The following AFG2A variants were observed in gnomAD, a reference collection of about 807,000 sequenced individuals.
The protein encoded by AFG2A is ATPase family gene 2 protein homolog A.
the AFG2A span, among the ~76,000 whole-genome samples, chr4:123,044,781 T>TG: frequency 6.6e-6 from 1 of 152,082 alleles, no homozygotes; most frequent in African/African-American, 2.4e-5. Context: ...TTTTTTTTTT[T>TG]GTCAATCTTT....
the AFG2A span, among the ~76,000 whole-genome samples, chr4:122,940,446 G>C: frequency 2.0e-5 from 3 of 152,176 alleles, no homozygotes; most frequent in Non-Finnish European, 2.9e-5. Context: ...AGAAGTGTCT[G>C]TTCATATCCT....
chr4:123,304,386 C>G, the AFG2A span, among the ~76,000 whole-genome samples: 2 of 152,156 alleles, frequency 1.3e-5, no homozygotes, highest in Non-Finnish European at 2.9e-5. Context: ...TCGCAAACAG[C>G]AGGACATCAC....
At chr4:123,139,134 A>C in the AFG2A span, among the ~76,000 whole-genome samples, 1 of 152,138 alleles carries the variant, frequency 6.6e-6, no homozygotes, top group African/African-American at 2.4e-5. Flanking sequence ...AAATATTAAG[A>C]CAAAAGCTTG....
At chr4:123,074,095 A>ATTTT in the AFG2A span, among the ~76,000 whole-genome samples, 4 of 102,052 alleles carry the variant, frequency 3.9e-5, no homozygotes, top group African/African-American at 1.4e-4. Flanking sequence ...CTCAGATAGT[A>ATTTT]TTTTTTTTTT....
At chr4:122,938,158 A>G in the AFG2A span, 1 of 1,609,744 alleles carries the variant, frequency 6.2e-7, no homozygotes, top group Non-Finnish European at 8.5e-7. Context: ...GATGAGCTGG[A>G]TGCACTTTGT....
the AFG2A span, among the ~76,000 whole-genome samples, chr4:122,992,313 C>A: frequency 6.6e-6 from 1 of 152,160 alleles, no homozygotes; most frequent in East Asian, 1.9e-4. Context: ...TGGCCTAAGG[C>A]CATGGTGTGC....
the AFG2A span, among the ~76,000 whole-genome samples, chr4:123,226,414 A>T: frequency 6.6e-6 from 1 of 152,158 alleles, no homozygotes; most frequent in Non-Finnish European, 1.5e-5. Context: ...GAGAGTTTTT[A>T]GCATGAAGGG....
the AFG2A span, chr4:123,056,383 G>T: frequency 1.3e-4 from 217 of 1,610,126 alleles, no homozygotes; most frequent in Non-Finnish European, 1.7e-4. Context: ...TTCTTTTCAT[G>T]CAGGGGCCTG....
At chr4:123,210,387 C>G in the AFG2A span, among the ~76,000 whole-genome samples, 3 of 152,310 alleles carry the variant, frequency 2.0e-5, no homozygotes, top group African/African-American at 7.2e-5. Flanking sequence ...CCACCATTTA[C>G]TCTCTCTGAG....
chr4:123,074,670 C>G, the AFG2A span, among the ~76,000 whole-genome samples: 2 of 151,966 alleles, frequency 1.3e-5, no homozygotes, highest in African/African-American at 4.8e-5. Context: ...TGCTGTAGTT[C>G]ATGTGGATTT....
the AFG2A span, among the ~76,000 whole-genome samples, chr4:123,027,306 C>T: frequency 6.6e-6 from 1 of 152,104 alleles, no homozygotes; most frequent in Non-Finnish European, 1.5e-5. Context: ...GCTATGACTT[C>T]AACTTTTCTT....
At chr4:123,044,772 T>G in the AFG2A span, among the ~76,000 whole-genome samples, 122,917 of 151,470 alleles carry the variant, frequency 0.81, 51,614 homozygotes, top group East Asian at 0.97. Context: ...AGGATGTCAT[T>G]TTTTTTTTTG....
At chr4:123,120,931 A>G in the AFG2A span, among the ~76,000 whole-genome samples, 3 of 152,154 alleles carry the variant, frequency 2.0e-5, no homozygotes, top group African/African-American at 7.2e-5. Flanking sequence ...GGCAGGTCCT[A>G]CAGGGGATAT....
the AFG2A span, among the ~76,000 whole-genome samples, chr4:122,999,397 G>C: frequency 6.6e-6 from 1 of 151,838 alleles, no homozygotes; most frequent in East Asian, 1.9e-4. Context: ...CCTATGTCCT[G>C]CATGGTAATA....
the AFG2A span, among the ~76,000 whole-genome samples, chr4:122,988,154 G>A: frequency 1.0e-3 from 157 of 151,642 alleles, 1 homozygote; most frequent in South Asian, 3.8e-3. Flanking sequence ...AAATCTGGTC[G>A]TAGTCTGATG....
At chr4:123,130,639 A>G in the AFG2A span, among the ~76,000 whole-genome samples, 1 of 152,220 alleles carries the variant, frequency 6.6e-6, no homozygotes, top group Non-Finnish European at 1.5e-5. Context: ...TAGATGCACT[A>G]CAGTTTGTTT....
At chr4:122,983,295 T>C in the AFG2A span, among the ~76,000 whole-genome samples, 1 of 152,206 alleles carries the variant, frequency 6.6e-6, no homozygotes, top group Admixed American at 6.5e-5. Flanking sequence ...ATTTTTCTAG[T>C]CTCCATTTCA....
At chr4:123,056,276 A>G in the AFG2A span, 1 of 960,430 alleles carries the variant, frequency 1.0e-6, no homozygotes, top group Non-Finnish European at 1.5e-6. Flanking sequence ...AGGGATTAAT[A>G]AGCAGATTTT....
At chr4:123,277,193 C>T in the AFG2A span, among the ~76,000 whole-genome samples, 7 of 151,986 alleles carry the variant, frequency 4.6e-5, no homozygotes, top group African/African-American at 7.2e-5. Context: ...CATCTTTCAC[C>T]TCCTTGGTTA....
Sources: gnomAD v4.1 joint callset for allele counts (sites outside exome capture counted in the v4.1 genomes callset) on GRCh38, gnomAD v4.1.1 for gene constraint, MANE v1.5 for transcripts, NCBI Gene and HGNC (gene_info 2026-07-23, HGNC 2026-07-21) for gene names.